Variants in RHOT1 observed in about 807,000 individuals in gnomAD.
RHOT1 encodes ras homolog family member T1, also known as mitochondrial Rho GTPase 1.
Under a neutral mutation model 95.3 loss-of-function variants are expected in RHOT1, and 27 were observed. The observed-to-expected ratio is 0.28, with a 90% CI of 0.21 to 0.39. RHOT1 has a LOEUF of 0.39. Among genes scored for constraint, RHOT1 ranks in the 10% least tolerant of loss-of-function variants. The pLI, the probability that RHOT1 is intolerant of heterozygous loss-of-function variation, is 1.00. For synonymous variants in RHOT1, 227 were observed against 263.5 expected (o/e 0.86, Z 1.34); for missense variants, 578 against 786.7 (o/e 0.73, Z 3.17).
intron 1 of RHOT1, chr17:32,150,836 G>T: frequency 6.6e-7 from 1 of 1,524,362 alleles, no homozygotes; most frequent in Non-Finnish European, 8.9e-7. Flanking sequence ...AAGAGCTGAG[G>T]TGGAAGGGAG....
intron 1 of RHOT1, chr17:32,150,665 CA>C: frequency 1.3e-6 from 2 of 1,597,084 alleles, no homozygotes; most frequent in Admixed American, 3.4e-5. Context: ...TCATTCTCAT[CA>C]GGAAGATTAT....
At position 32,173,885 on chromosome 17, in the gene RHOT1, G is replaced by C; in HGVS notation, c.151G>C (p.Val51Leu). The change falls in exon 3 of 20, where the codon GTT (valine) becomes CTT (leucine). Residue 51 changes from valine to leucine, a missense_variant. By Grantham distance (32) the Val-to-Leu change is conservative (BLOSUM62 1). This residue lies in a region of RHOT1 where 51 missense variants were observed against 114.7 expected (regional missense o/e 0.44). Transcript: ENST00000545287. The part of the protein sequence containing the change: ...TIPADVTPER[V>L]PTHIVDYSEA... ...TCCAGCTGATGTCACCCCAGAGAGA[G>C]TTCCAACACACATTGTAGATTACTC... 1.9e-6 allele frequency: 3 copies of C among 1,611,256 alleles called. No individual in the cohort carries two copies. The highest frequency in any genetic ancestry group is 2.5e-6 in the Non-Finnish European group (3 of 1,178,070).
At chr17:32,157,711 C>T (rs898060285) in intron 1 of RHOT1, among the ~76,000 whole-genome samples, 1 of 151,862 alleles carries the variant, frequency 6.6e-6, no homozygotes, top group African/African-American at 2.4e-5. Context: ...GGCTGAGAGA[C>T]AGGAGAATCA....
At chr17:32,184,475 TA>T (rs1380183974) in intron 8 of RHOT1, among the ~76,000 whole-genome samples, 11 of 152,186 alleles carry the variant, frequency 7.2e-5, no homozygotes, top group African/African-American at 2.6e-4. Context: ...TGGTGGGTTT[TA>T]TTTTTTTTAT....
chr17:32,211,134 T>C lies in RHOT1; in HGVS notation c.1758T>C (p.Cys586=). The change falls in exon 19 of 20, where the codon TGT becomes TGC. Residue 586 remains cysteine (C), a synonymous_variant. Coordinates refer to ENST00000545287, the MANE Select transcript of RHOT1 (RefSeq NM_001033566.3). ...MAMYPHARLR[C]MCTCNRCTFC... Reference sequence around the variant, plus strand: ...TTCGCAGCCATGCCCGGTTACGCTGTATGTGCACCTGCAACAGGTGTACAT... The same window carrying C: ...TTCGCAGCCATGCCCGGTTACGCTGCATGTGCACCTGCAACAGGTGTACAT... The C allele has an allele frequency of 6.2e-7, 1 of 1,610,562 alleles. No individual in the cohort carries two copies. The highest frequency in any genetic ancestry group is 8.5e-7 in the Non-Finnish European group (1 of 1,177,386).
At chr17:32,143,072 C>T (rs1567641719) in intron 1 of RHOT1, 5 of 636,748 alleles carry the variant, frequency 7.9e-6, no homozygotes, top group Middle Eastern at 2.5e-4. Flanking sequence ...CGAACCCTGT[C>T]CTTCTGGGCC....
chr17:32,170,142 C>T (rs986730618), intron 1 of RHOT1, among the ~76,000 whole-genome samples: 7 of 151,770 alleles, frequency 4.6e-5, no homozygotes, highest in Middle Eastern at 3.5e-3. Flanking sequence ...TGGCTGGGCG[C>T]GGTAGCTCAC....
intron 1 of RHOT1, among the ~76,000 whole-genome samples, chr17:32,160,589 G>T (rs1040622922): frequency 2.6e-5 from 4 of 152,152 alleles, no homozygotes; most frequent in African/African-American, 9.7e-5. Context: ...CCTCTTTGGG[G>T]CCCTGTGGTT....
chr17:32,142,595 C>T lies in RHOT1; in HGVS notation c.-98C>T, dbSNP rs376459993. The T allele has an allele frequency of 0.019, 20,899 of 1,106,116 alleles. 280 individuals carry two copies. Among genetic ancestry groups the T allele is most frequent in the Non-Finnish European group, 0.023 (19,027 of 824,476 alleles). The allele number at this position is 1,106,116 out of a possible 1,614,324, so 68.5% of individuals were successfully genotyped here. On this transcript the variant is annotated 5_prime_UTR_variant, in exon 1 of 20. Coordinates refer to ENST00000545287, the MANE Select transcript of RHOT1 (RefSeq NM_001033566.3). Reference sequence around the variant, plus strand: ...GGGCGGCGCGGCGGGCCCCGGCGGCCGAAGAGGCTGGCAGGTGGCGCCGTG... The same window carrying T: ...GGGCGGCGCGGCGGGCCCCGGCGGCTGAAGAGGCTGGCAGGTGGCGCCGTG...
chr17:32,203,439 C>T (rs1399742393), intron 15 of RHOT1, among the ~76,000 whole-genome samples: 2 of 151,734 alleles, frequency 1.3e-5, no homozygotes, highest in Admixed American at 1.3e-4. Context: ...CCAGGCCCAG[C>T]TAATTTTTGT....
chr17:32,159,908 G>C (rs1311698364), intron 1 of RHOT1: 1 of 152,390 alleles, frequency 6.6e-6, no homozygotes, highest in Non-Finnish European at 1.5e-5. Context: ...AAGCCCGGGG[G>C]CTGGGTTGCT....
intron 19 of RHOT1, among the ~76,000 whole-genome samples, chr17:32,222,267 G>A (rs773786916): frequency 2.8e-4 from 43 of 152,232 alleles, no homozygotes; most frequent in Admixed American, 1.2e-3. Context: ...GGTCCATGGC[G>A]GTCTGTGAGT....
intron 8 of RHOT1, among the ~76,000 whole-genome samples, chr17:32,189,740 T>C (rs1213756718): frequency 2.7e-5 from 4 of 147,478 alleles, no homozygotes; most frequent in Admixed American, 6.7e-5. Flanking sequence ...TCTTTTCTTT[T>C]TTTTTTTTTT....
chr17:32,195,858 C>G (rs1412283561), intron 11 of RHOT1, among the ~76,000 whole-genome samples: 1 of 152,110 alleles, frequency 6.6e-6, no homozygotes, highest in South Asian at 2.1e-4. Flanking sequence ...AGGACTCTCT[C>G]ATAAGGTTTT....
intron 1 of RHOT1, among the ~76,000 whole-genome samples, chr17:32,168,983 A>G (rs1357814109): frequency 6.6e-6 from 1 of 152,230 alleles, no homozygotes; most frequent in Non-Finnish European, 1.5e-5. Flanking sequence ...GTGGTCAGCC[A>G]TTTGAAAAAG....
intron 8 of RHOT1, among the ~76,000 whole-genome samples, chr17:32,186,657 G>T (rs950117953): frequency 1.3e-5 from 2 of 151,672 alleles, no homozygotes; most frequent in African/African-American, 4.8e-5. Context: ...GAGCCACTGC[G>T]CCCGGCCCCC....
intron 8 of RHOT1, among the ~76,000 whole-genome samples, chr17:32,185,139 T>A (rs2035936484): frequency 1.3e-5 from 2 of 151,916 alleles, no homozygotes; most frequent in Admixed American, 6.6e-5. Flanking sequence ...AGACGGAGTT[T>A]CGCTCTTGTT....
intron 11 of RHOT1, among the ~76,000 whole-genome samples, chr17:32,196,965 T>C (rs1010259186): frequency 4.6e-5 from 7 of 151,530 alleles, no homozygotes; most frequent in Non-Finnish European, 7.4e-5. Flanking sequence ...CTACTAAAAA[T>C]ACAAAAAATT....
intron 6 of RHOT1, among the ~76,000 whole-genome samples, chr17:32,180,281 A>T (rs1037144692): frequency 3.9e-5 from 6 of 152,158 alleles, no homozygotes; most frequent in Admixed American, 2.6e-4. Flanking sequence ...AAAGAAGTAG[A>T]TATAGGAGAC....
Sources: gnomAD v4.1 joint callset for allele counts (sites outside exome capture counted in the v4.1 genomes callset) on GRCh38, gnomAD v4.1.1 for gene constraint, gnomAD v4.1.1 regional missense constraint, MANE v1.5 for transcripts, NCBI Gene and HGNC (gene_info 2026-07-23, HGNC 2026-07-21) for gene names.